Variants in ATP6V1A observed in about 807,000 individuals in gnomAD.
ATP6V1A encodes the protein ATPase H+ transporting V1 subunit A, also known as V-type proton ATPase catalytic subunit A.
Under a neutral mutation model 70.1 loss-of-function variants are expected in ATP6V1A, and 18 were observed. The ratio of observed to expected loss-of-function variants is 0.26; its 90% CI spans 0.18 to 0.38. The LOEUF (loss-of-function observed/expected upper bound fraction) is 0.38. Ranked by LOEUF, ATP6V1A falls within the 10% of genes least tolerant of loss-of-function variation. ATP6V1A has a pLI of 1.00. For synonymous variants in ATP6V1A, 232 were observed against 253.8 expected, an observed-to-expected ratio of 0.91 and a Z score of 0.82; for missense variants, 424 against 772.4, an observed-to-expected ratio of 0.55 and a Z score of 5.35.
At chr3:113,778,671 C>A in intron 1 of ATP6V1A, 70 bp from the exon 2 acceptor site, 1 of 750,806 alleles carries the variant, frequency 1.3e-6, no homozygotes, top group Non-Finnish European at 2.0e-6. Flanking sequence ...TCTTAGTGGA[C>A]TACCTATATT....
intron 1 of ATP6V1A, among the ~76,000 whole-genome samples, chr3:113,767,746 G>C (rs1310623725): frequency 6.6e-6 from 1 of 152,016 alleles, no homozygotes; most frequent in Non-Finnish European, 1.5e-5. Context: ...CCGCCTCCTG[G>C]GTTCAAGCAA....
At chr3:113,763,602 G>C (rs1048704936) in intron 1 of ATP6V1A, among the ~76,000 whole-genome samples, 2 of 152,110 alleles carry the variant, frequency 1.3e-5, no homozygotes, top group Admixed American at 1.3e-4. Context: ...TATTTCTATT[G>C]AGGTTGGCAA....
At chr3:113,803,745 T>TG in intron 13 of ATP6V1A, 68 bp downstream of exon 13, 1 of 1,236,932 alleles carries the variant, frequency 8.1e-7, no homozygotes, top group Non-Finnish European at 1.2e-6. Flanking sequence ...GGAGTACACA[T>TG]TAAAAACCCT....
intron 8 of ATP6V1A, among the ~76,000 whole-genome samples, chr3:113,791,118 G>A (rs927042423): frequency 6.6e-6 from 1 of 151,884 alleles, no homozygotes; most frequent in Non-Finnish European, 1.5e-5. Flanking sequence ...TTAGAAAATT[G>A]CATCTGAAAC....
chr3:113,767,086 CTTTTTTTTTTTTT>C (rs369126041), intron 1 of ATP6V1A, among the ~76,000 whole-genome samples: 15 of 107,858 alleles, frequency 1.4e-4, no homozygotes, highest in African/African-American at 4.6e-4. Context: ...GATGTTATGT[CTTTTTTTTTTTTT>C]TTTTTTTTTT....
At chr3:113,754,276 C>T (rs941106138) in intron 1 of ATP6V1A, among the ~76,000 whole-genome samples, 1 of 152,152 alleles carries the variant, frequency 6.6e-6, no homozygotes, top group African/African-American at 2.4e-5. Context: ...GTAATCCCAG[C>T]ACTTTGGGAG....
chr3:113,769,401 C>T (rs1708808009), intron 1 of ATP6V1A, among the ~76,000 whole-genome samples: 1 of 151,956 alleles, frequency 6.6e-6, no homozygotes, highest in Non-Finnish European at 1.5e-5. Flanking sequence ...AGTCTTTAAT[C>T]AATTAGATAG....
rs1319143984 is a variant in ATP6V1A at position 113,780,172 on chromosome 3, T to C, written c.83-878T>C. Among the ~76,000 whole-genome samples the C allele has an allele frequency of 2.6e-5, 4 of 152,214 alleles. No individual in the cohort carries two copies. In the East Asian group the frequency reaches 7.7e-4, roughly 29 times the overall value. On this transcript the variant is annotated intron_variant, in intron 2 of 14. Transcript: ENST00000273398. ...TAAGTAGTCGGCATAGAGGTAAATA[T>C]TTATAGAATGAATAAGTCTTCATTG... is the stretch of plus-strand genomic sequence containing the variant.
At chr3:113,767,784 G>A (rs1041549879) in intron 1 of ATP6V1A, among the ~76,000 whole-genome samples, 1 of 152,018 alleles carries the variant, frequency 6.6e-6, no homozygotes, top group Non-Finnish European at 1.5e-5. Context: ...CCTAGTAGCT[G>A]GGATTATAGG....
At chr3:113,800,595 A>G (rs1376881321) in intron 12 of ATP6V1A, among the ~76,000 whole-genome samples, 2 of 152,242 alleles carry the variant, frequency 1.3e-5, no homozygotes, top group Admixed American at 6.5e-5. Flanking sequence ...CTCTAATTCC[A>G]CATACAAAGT....
chr3:113,804,157 AT>A lies in ATP6V1A; in HGVS notation c.1589+495del, dbSNP rs761414902. 2.9e-3 allele frequency among the ~76,000 whole-genome samples: 402 copies of A among 140,748 alleles called. 1 individual carries two copies. The highest frequency in any genetic ancestry group is 0.011 in the Middle Eastern group (3 of 280). 92.3% of individuals were successfully genotyped at this position (140,748 alleles called of 152,430 possible). ...AGGTGCCCACCACCATGCCCAGCTA[AT>A]TTTTTTTTTTTTTTGGCAGAGACTG... is the stretch of plus-strand genomic sequence containing the variant. On this transcript the variant is annotated intron_variant, in intron 13 of 14. Coordinates refer to ENST00000273398, the MANE Select transcript of ATP6V1A (RefSeq NM_001690.4).
intron 1 of ATP6V1A, among the ~76,000 whole-genome samples, chr3:113,771,164 C>T (rs188369478): frequency 1.3e-5 from 2 of 151,388 alleles, no homozygotes; most frequent in Non-Finnish European, 2.9e-5. Context: ...AGTTGGTGTT[C>T]TAGGAGTTTG....
At chr3:113,774,606 G>A (rs1225968228) in intron 1 of ATP6V1A, among the ~76,000 whole-genome samples, 2 of 152,116 alleles carry the variant, frequency 1.3e-5, no homozygotes, top group Non-Finnish European at 2.9e-5. Flanking sequence ...TTGAGGTCAG[G>A]AGTTCAAGAC....
rs530063892 is a variant in ATP6V1A, at chr3:113,783,111, A to G, written c.212-1113A>G. 1.0e-3 allele frequency among the ~76,000 whole-genome samples: 159 copies of G among 152,350 alleles called. 1 individual carries two copies. The highest frequency in any genetic ancestry group is 3.6e-3 in the African/African-American group (151 of 41,594). On this transcript the variant is annotated intron_variant, in intron 3 of 14. Coordinates refer to ENST00000273398, the MANE Select transcript of ATP6V1A (RefSeq NM_001690.4). The stretch of plus-strand genomic sequence containing the variant: ...ATACATAGTTTAGAGAGATTTCTAG[A>G]GGAATTCATGATAACTCTGGTTCTT...
intron 8 of ATP6V1A, among the ~76,000 whole-genome samples, chr3:113,790,812 A>AT (rs1361683680): frequency 6.6e-6 from 1 of 151,842 alleles, no homozygotes; most frequent in Non-Finnish European, 1.5e-5. Flanking sequence ...TCATAAATTT[A>AT]TTTTTTTTCT....
chr3:113,800,924 G>A (rs1054510638), intron 12 of ATP6V1A, among the ~76,000 whole-genome samples: 2 of 152,156 alleles, frequency 1.3e-5, no homozygotes, highest in African/African-American at 4.8e-5. Flanking sequence ...GGAGGCTGAG[G>A]TGAGTGGATG....
rs1285955969 is a variant in ATP6V1A, at chr3:113,805,512, C to G, written c.1748C>G (p.Ser583Cys). ...HMGDILYKLS[S>C]MKFKDPLKDG... is the part of the protein sequence containing the mutation. Reference sequence around the variant, plus strand: ...GGAGACATCCTCTATAAACTTTCCTCCATGAAATTCAAGGTATATTTTGTT... The same window carrying G: ...GGAGACATCCTCTATAAACTTTCCTGCATGAAATTCAAGGTATATTTTGTT... The change falls in exon 14 of 15, where the codon TCC becomes TGC. Residue 583 changes from serine (S) to cysteine (C), a missense_variant. Ser to Cys is a moderately radical substitution (Grantham distance 112). Around this residue, in one of 9 missense-constraint regions of ATP6V1A, gnomAD observed 127 missense variants for 207.9 expected, o/e 0.61. Transcript: ENST00000273398. 6.2e-6 allele frequency: 10 copies of G among 1,608,908 alleles called. No homozygotes were observed. Among genetic ancestry groups the G allele is most frequent in the Non-Finnish European group, 7.6e-6 (9 of 1,178,182 alleles).
At chr3:113,771,970 G>A (rs1165468274) in intron 1 of ATP6V1A, among the ~76,000 whole-genome samples, 2 of 152,170 alleles carry the variant, frequency 1.3e-5, no homozygotes, top group African/African-American at 4.8e-5. Flanking sequence ...TAGAGGAGTG[G>A]TTATTCACTT....
At chr3:113,773,348 A>G (rs1043143696) in intron 1 of ATP6V1A, among the ~76,000 whole-genome samples, 2 of 152,218 alleles carry the variant, frequency 1.3e-5, no homozygotes, top group Non-Finnish European at 2.9e-5. Flanking sequence ...GTAAATTTGT[A>G]GACTTATCAC....
Sources: allele counts gnomAD v4.1 joint callset (sites outside exome capture counted in the v4.1 genomes callset), GRCh38; gene constraint gnomAD v4.1.1; regional missense constraint gnomAD v4.1.1; transcripts MANE v1.5; gene names NCBI Gene and HGNC (gene_info 2026-07-23, HGNC 2026-07-21).